Variants in DCK observed in about 807,000 individuals in gnomAD.
The protein encoded by DCK is deoxyadenosine kinase.
A neutral mutation model predicts 38.3 loss-of-function variants in DCK; 23 were observed. The observed-to-expected ratio is 0.60, with a 90% confidence interval of 0.43 to 0.85. The LOEUF is 0.85. DCK is among the 40% of genes least tolerant of loss of function. The pLI, the probability that DCK is intolerant of heterozygous loss-of-function variation, is 0.00. For missense variants in DCK, 259 were observed against 304.4 expected (o/e 0.85, Z 1.11); for synonymous variants, 108 against 100.6 (o/e 1.07, Z -0.44).
chr4:71,022,367 G>T lies in DCK; in HGVS notation c.208G>T (p.Glu70Ter). 3 of 1,491,796 alleles carry T rather than the reference G, an allele frequency of 2.0e-6. No individual in the cohort carries two copies. Among genetic ancestry groups the T allele is most frequent in the South Asian group, 1.4e-5 (1 of 71,860 alleles). The allele number at this position is 1,491,796 out of a possible 1,614,324, so 92.4% of individuals were successfully genotyped here. A position where few individuals can be genotyped will look rare whatever the true frequency, so the allele number is the denominator to read the frequency against. ...NVQSTQDEFE[E>*]LTMSQKNGGN... ...ATTTCTTTTTGCACATTCAAAATAG[G>T]AACTTACAATGTCTCAGAAAAATGG... The change falls in exon 3 of 7, where the codon GAA (glutamate) becomes TAA (stop). Residue 70 changes from glutamate (E) to a stop codon, truncating the protein, a stop_gained and splice_region_variant. Coordinates refer to ENST00000286648, the MANE Select transcript of DCK (RefSeq NM_000788.3). LOFTEE classifies it high-confidence loss of function.
At chr4:71,023,415 T>C in intron 3 of DCK, 144 bp from the exon 4 acceptor site, 1 of 585,314 alleles carries the variant, frequency 1.7e-6, no homozygotes, top group Non-Finnish European at 2.9e-6. Flanking sequence ...AAAAACATGA[T>C]GGAAAGACTC....
intron 5 of DCK, among the ~76,000 whole-genome samples, chr4:71,026,422 T>C (rs1740549027): frequency 6.6e-6 from 1 of 152,034 alleles, no homozygotes; most frequent in African/African-American, 2.4e-5. Flanking sequence ...CTGCTATTTG[T>C]TTTTGAAGAG....
intron 1 of DCK, 59 bp downstream of exon 1, chr4:70,993,985 C>A: frequency 8.2e-7 from 1 of 1,214,116 alleles, no homozygotes; most frequent in Non-Finnish European, 1.2e-6. Context: ...GTGGCTGAAG[C>A]TTCCCTTCGC....
chr4:71,012,602 G>T (rs180759866), intron 2 of DCK, among the ~76,000 whole-genome samples: 2 of 152,226 alleles, frequency 1.3e-5, no homozygotes, highest in Non-Finnish European at 2.9e-5. Flanking sequence ...AACAATTGCT[G>T]TTCAGCAGTA....
At chr4:71,013,648 C>G (rs1740163332) in intron 2 of DCK, among the ~76,000 whole-genome samples, 1 of 152,124 alleles carries the variant, frequency 6.6e-6, no homozygotes, top group Admixed American at 6.6e-5. Flanking sequence ...AATATCATAT[C>G]CAGCCAAACT....
chr4:71,025,139 C>T (rs1029372072), intron 4 of DCK, among the ~76,000 whole-genome samples: 13 of 151,992 alleles, frequency 8.6e-5, no homozygotes, highest in South Asian at 2.1e-4. Context: ...ACAAATTATA[C>T]GAAATTTTTT....
intron 2 of DCK, among the ~76,000 whole-genome samples, chr4:71,010,633 T>A (rs1740065266): frequency 6.8e-6 from 1 of 147,510 alleles, no homozygotes; most frequent in African/African-American, 2.5e-5. Flanking sequence ...TATTTATATA[T>A]AAATCATATG....
At chr4:71,028,758 AATT>A in intron 6 of DCK, 1 of 187,224 alleles carries the variant, frequency 5.3e-6, no homozygotes, top group Non-Finnish European at 9.4e-6. Flanking sequence ...ATGCCTAGCT[AATT>A]TTTTTTTTTT....
intron 1 of DCK, among the ~76,000 whole-genome samples, chr4:70,996,846 A>G (rs935440991): frequency 2.0e-5 from 3 of 152,216 alleles, no homozygotes; most frequent in South Asian, 2.1e-4. Context: ...CAGCATTATA[A>G]TGCCTGCTTG....
intron 6 of DCK, chr4:71,028,758 A>ATTT: frequency 5.3e-6 from 1 of 187,218 alleles, no homozygotes; most frequent in Admixed American, 1.1e-4. Flanking sequence ...ATGCCTAGCT[A>ATTT]ATTTTTTTTT....
Position 70,993,834 on chromosome 4 carries a change from G to A in DCK, c.-2G>A, listed in dbSNP as rs568859559. ...AGCTCTGGGCCGCCACAAGACTAAG[G>A]AATGGCCACCCCGCCCAAGAGAAGC... On this transcript the variant is annotated 5_prime_UTR_variant, in exon 1 of 7. Transcript: ENST00000286648. The A allele has an allele frequency of 7.7e-5, 124 of 1,612,274 alleles. 3 individuals carry two copies. The South Asian group carries it at 1.3e-3, about 17-fold the overall frequency.
At chr4:71,005,297 A>T (rs895647598) in intron 2 of DCK, among the ~76,000 whole-genome samples, 5 of 151,306 alleles carry the variant, frequency 3.3e-5, no homozygotes, top group African/African-American at 1.2e-4. Context: ...GGCTGCACCC[A>T]CTGTATAACC....
intron 3 of DCK, 79 bp downstream of exon 3, chr4:71,022,639 CT>C: frequency 1.2e-6 from 1 of 806,114 alleles, no homozygotes; most frequent in Non-Finnish European, 1.7e-6. Flanking sequence ...TTAATGTTTC[CT>C]GGGAATTAGT....
chr4:71,026,282 T>C (rs1740545069), intron 5 of DCK, among the ~76,000 whole-genome samples: 1 of 152,114 alleles, frequency 6.6e-6, no homozygotes. Context: ...TAGACTTTGT[T>C]ATTAGTCAGA....
intron 2 of DCK, among the ~76,000 whole-genome samples, chr4:71,020,179 T>C (rs1056814553): frequency 1.6e-4 from 24 of 152,364 alleles, no homozygotes; most frequent in African/African-American, 5.3e-4. Context: ...TACATAATTT[T>C]CCTCATTCTG....
intron 2 of DCK, among the ~76,000 whole-genome samples, chr4:71,004,562 C>T (rs1280337393): frequency 1.3e-5 from 2 of 152,076 alleles, no homozygotes; most frequent in African/African-American, 2.4e-5. Context: ...CACTCACAGC[C>T]ACGCCTTCCC....
intron 2 of DCK, 74 bp downstream of exon 2, chr4:70,998,256 T>C (rs1415542514): frequency 7.3e-6 from 5 of 681,068 alleles, no homozygotes; most frequent in Non-Finnish European, 1.2e-5. Context: ...TCTTTTTCTT[T>C]TTCTTTTTCA....
rs1303074099 is a variant in DCK, at chr4:71,028,718, AAGT to A, written c.757-631_757-629del. 7.4e-6 allele frequency: 3 copies of A among 407,726 alleles called. No homozygotes were observed. In the East Asian group the frequency reaches 2.6e-4, roughly 35 times the overall value. The allele number at this position is 407,726 out of a possible 1,614,324, so 25.3% of individuals were successfully genotyped here. The stretch of plus-strand genomic sequence containing the variant: ...TCAACCAGTTCTGCCTCAGCCTCCT[AAGT>A]AGGTGGGATTACAAGTGCACGCCTC... On this transcript the variant is annotated intron_variant, in intron 6 of 6. Coordinates refer to ENST00000286648, the MANE Select transcript of DCK (RefSeq NM_000788.3).
chr4:71,002,817 C>A (rs1207811351), intron 2 of DCK, among the ~76,000 whole-genome samples: 1 of 151,980 alleles, frequency 6.6e-6, no homozygotes, highest in Non-Finnish European at 1.5e-5. Context: ...CTTGGTAAAT[C>A]TTCCTCCATC....
Sources: gnomAD v4.1 joint callset for allele counts (sites outside exome capture counted in the v4.1 genomes callset) on GRCh38, gnomAD v4.1.1 for gene constraint, MANE v1.5 for transcripts, NCBI Gene and HGNC (gene_info 2026-07-23, HGNC 2026-07-21) for gene names.